Variants in ABCC8 observed in about 807,000 individuals in gnomAD.
The protein encoded by ABCC8 is ATP-binding cassette sub-family C member 8.
In ABCC8, 137 loss-of-function variants were observed where a neutral mutation model predicts 188.0. That is an observed-to-expected ratio of 0.73 (90% CI 0.63 to 0.84). ABCC8 has a LOEUF of 0.84. Ranked by LOEUF, ABCC8 falls within the 40% of genes least tolerant of loss-of-function variation. ABCC8 has a pLI of 0.00. For missense variants in ABCC8, 1,750 were observed against 2,072.7 expected, an observed-to-expected ratio of 0.84 and a Z score of 3.02; for synonymous variants, 797 against 846.5, an observed-to-expected ratio of 0.94 and a Z score of 1.01.
intron 28 of ABCC8, among the ~76,000 whole-genome samples, chr11:17,403,565 T>C (rs768018668): frequency 1.1e-4 from 16 of 152,204 alleles, no homozygotes; most frequent in Admixed American, 5.2e-4. Flanking sequence ...GGGCAGGTAA[T>C]TGTGTCCAAA....
At chr11:17,420,292 G>A (rs552392804) in intron 16 of ABCC8, among the ~76,000 whole-genome samples, 1 of 152,288 alleles carries the variant, frequency 6.6e-6, no homozygotes, top group South Asian at 2.1e-4. Flanking sequence ...GAAAGGTAGG[G>A]TTTTACTCAT....
intron 10 of ABCC8, among the ~76,000 whole-genome samples, chr11:17,432,631 TC>T (rs1246413886): frequency 6.6e-6 from 1 of 152,030 alleles, no homozygotes; most frequent in Non-Finnish European, 1.5e-5. Flanking sequence ...GGCTCCTGTG[TC>T]CCCCCAAGCC....
At chr11:17,469,696 C>T (rs1848371790) in intron 3 of ABCC8, among the ~76,000 whole-genome samples, 1 of 152,164 alleles carries the variant, frequency 6.6e-6, no homozygotes, top group African/African-American at 2.4e-5. Flanking sequence ...TTTGGCTTTG[C>T]CCACAGTGAC....
intron 6 of ABCC8, among the ~76,000 whole-genome samples, chr11:17,455,012 G>C (rs1323582668): frequency 6.6e-6 from 1 of 152,182 alleles, no homozygotes; most frequent in African/African-American, 2.4e-5. Flanking sequence ...GTCCTCTGCA[G>C]AGACGCAGCT....
At chr11:17,416,825 C>T in intron 17 of ABCC8, 105 bp downstream of exon 17, 1 of 1,507,000 alleles carries the variant, frequency 6.6e-7, no homozygotes. Flanking sequence ...GTAGGCTGCA[C>T]ATCCCTGAAT....
chr11:17,443,120 C>A (rs1956386674), intron 9 of ABCC8, 58 bp downstream of exon 9: 2 of 1,594,270 alleles, frequency 1.3e-6, no homozygotes, highest in African/African-American at 1.3e-5. Context: ...AGGAGACCTG[C>A]TGCTGTCGAG....
In ABCC8 at chr11:17,427,041, T is replaced by C. The variant is rs200118912; in HGVS notation, c.2222+8A>G. The C allele has an allele frequency of 1.9e-6, 3 of 1,613,532 alleles. No individual in the cohort carries two copies. In the Admixed American group the frequency reaches 5.0e-5, roughly 27 times the overall value. On this transcript the variant is annotated splice_region_variant and intron_variant, in intron 16 of 38. Coordinates refer to ENST00000389817, the MANE Select transcript of ABCC8 (RefSeq NM_000352.6). The surrounding 1 kb of genome is among the most constrained non-coding windows in gnomAD (Gnocchi z 5.0). ...CCCTCCACTGGGCCCTGAGGATACA[T>C]GTATTACCTGCTCCAGAAGACAGCC...
At chr11:17,451,489 C>T (rs1485380231) in intron 7 of ABCC8, among the ~76,000 whole-genome samples, 1 of 152,218 alleles carries the variant, frequency 6.6e-6, no homozygotes, top group Non-Finnish European at 1.5e-5. Context: ...TGGGAGGGCA[C>T]CGTTCACACA....
In ABCC8 at chr11:17,430,794, C is replaced by T. The variant is rs756188320; in HGVS notation, c.1817+20G>A. On this transcript the variant is annotated intron_variant, in intron 12 of 38. Coordinates refer to ENST00000389817, the MANE Select transcript of ABCC8 (RefSeq NM_000352.6). ...ACAGGACCTGCCTGCCCAGTGCCCT[C>T]GCCCGGACCCTCCCCTCACCTCACT... is the stretch of plus-strand genomic sequence containing the variant. 9.9e-6 allele frequency: 16 copies of T among 1,613,182 alleles called. No homozygotes were observed. The highest frequency in any genetic ancestry group is 2.2e-5 in the East Asian group (1 of 44,864).
chr11:17,463,482 A>G lies in ABCC8; in HGVS notation c.535T>C (p.Tyr179His). The G allele has an allele frequency of 6.2e-7, 1 of 1,605,416 alleles. No individual in the cohort carries two copies. The highest frequency in any genetic ancestry group is 2.2e-5 in the East Asian group (1 of 44,718). ...FCLTGLLVILYGMLLLVEVNV... is the reference protein window; with the variant it reads ...FCLTGLLVILHGMLLLVEVNV... ...ACCTCCACGAGGAGCAGCATCCCAT[A>G]GAGGATCACCAGCAGCCCTGTGAGG... Residue 179 changes from tyrosine (Y) to histidine (H), a missense_variant, in exon 4 of 39, where the codon TAT becomes CAT. Coordinates refer to ENST00000389817, the MANE Select transcript of ABCC8 (RefSeq NM_000352.6).
Position 17,428,643 on chromosome 11 carries a change from G to A in ABCC8, c.1845C>T (p.Ser615=), listed in dbSNP as rs763650219. The change falls in exon 13 of 39, where the codon TCC becomes TCT. Residue 615 remains serine, a synonymous_variant. Transcript: ENST00000389817. ...ACTGCTCCTCACGGATCTCTGCACT[G>A]GACAGGAACTCGCTTAGCTTTTGCA... The part of the protein sequence containing the change: ...VSVQKLSEFL[S]SAEIREEQCA... The A allele has an allele frequency of 2.5e-6, 4 of 1,613,886 alleles. No individual in the cohort carries two copies. The highest frequency in any genetic ancestry group is 3.4e-6 in the Non-Finnish European group (4 of 1,180,028).
chr11:17,470,322 T>G (rs2133712017), intron 2 of ABCC8, 100 bp from the exon 3 acceptor site: 2 of 1,582,198 alleles, frequency 1.3e-6, no homozygotes, highest in East Asian at 2.3e-5. Flanking sequence ...TGAACCTTTA[T>G]AGCATCACTT....
At chr11:17,450,783 G>A (rs1956786979) in intron 7 of ABCC8, among the ~76,000 whole-genome samples, 1 of 144,520 alleles carries the variant, frequency 6.9e-6, no homozygotes, top group Admixed American at 7.4e-5. Flanking sequence ...CCACCTGCTG[G>A]GTTCAAGCGA....
In ABCC8 at chr11:17,395,258, T is replaced by A. The variant is rs562680077; in HGVS notation, c.4325A>T (p.Glu1442Val). 43 of 1,594,844 alleles carry A rather than the reference T, an allele frequency of 2.7e-5. 1 individual carries two copies. The South Asian group carries it at 4.8e-4, about 18-fold the overall frequency. The change falls in exon 36 of 39, where the codon GAG (glutamate) becomes GTG (valine). Residue 1442 changes from glutamate to valine, a missense_variant. Coordinates refer to ENST00000389817, the MANE Select transcript of ABCC8 (RefSeq NM_000352.6). ...SGTIRFNLDP[E>V]RKCSDSTLWE... ...CAGTGTGCTATCTGAGCACTTCCTC[T>A]CAGGGTCCAGGTTAAATCTGGAAGT...
chr11:17,457,584 A>G (rs1242542208), intron 6 of ABCC8, among the ~76,000 whole-genome samples: 1 of 152,136 alleles, frequency 6.6e-6, no homozygotes, highest in Non-Finnish European at 1.5e-5. Context: ...GGGAGGTGAC[A>G]GATTGGGAGT....
At position 17,392,960 on chromosome 11, in the gene ABCC8, G is replaced by A. The variant is rs1261929559; in HGVS notation, c.*31C>T. 4.3e-6 allele frequency: 7 copies of A among 1,611,370 alleles called. No homozygotes were observed. The highest frequency in any genetic ancestry group is 5.1e-6 in the Non-Finnish European group (6 of 1,178,046). ...CCAGGCAGGGGTATGGGCAGGGTCC[G>A]AATGTGGGATGGCACTTGGGCTCTG... On this transcript the variant is annotated 3_prime_UTR_variant, in exon 39 of 39. Transcript: ENST00000389817.
chr11:17,472,070 C>T (rs986707066), intron 2 of ABCC8, among the ~76,000 whole-genome samples: 3 of 152,124 alleles, frequency 2.0e-5, no homozygotes, highest in Admixed American at 2.0e-4. Context: ...TTTAAGCTGA[C>T]ATCTAGACAT....
intron 16 of ABCC8, 159 bp from the exon 17 acceptor site, chr11:17,417,121 C>G: frequency 1.1e-6 from 1 of 948,588 alleles, no homozygotes. Flanking sequence ...AAGCACTCTT[C>G]TCAATCTCTG....
At chr11:17,457,009 A>C (rs995366973) in intron 6 of ABCC8, among the ~76,000 whole-genome samples, 6 of 152,184 alleles carry the variant, frequency 3.9e-5, no homozygotes, top group African/African-American at 1.2e-4. Flanking sequence ...ATGTGAGCAC[A>C]GATAAGGGGC....
Sources: gnomAD v4.1 joint callset for allele counts (sites outside exome capture counted in the v4.1 genomes callset) on GRCh38, gnomAD v4.1.1 for gene constraint, Gnocchi (gnomAD v3.1) non-coding constraint, MANE v1.5 for transcripts, NCBI Gene and HGNC (gene_info 2026-07-23, HGNC 2026-07-21) for gene names.